Variants in PCDHGA12 observed in about 807,000 individuals in gnomAD.
PCDHGA12 encodes protocadherin gamma subfamily A, 12.
Under a neutral mutation model 61.1 loss-of-function variants are expected in PCDHGA12, and 43 were observed. The observed-to-expected ratio is 0.70, with a 90% CI of 0.55 to 0.91. The LOEUF is 0.91. Among genes scored for constraint, PCDHGA12 ranks in the 40% least tolerant of loss-of-function variants. PCDHGA12 has a pLI of 0.00. For missense variants in PCDHGA12, 1,236 were observed against 1,227.7 expected (o/e 1.01, Z -0.10); for synonymous variants, 520 against 542.9 (o/e 0.96, Z 0.59).
Position 141,464,191 on chromosome 5 carries a change from G to C in PCDHGA12, c.2425-30616G>C, listed in dbSNP as rs185888723. Among the ~76,000 whole-genome samples, 583 of 151,818 alleles carry C rather than the reference G, an allele frequency of 3.8e-3. 6 individuals are homozygous for C. Among genetic ancestry groups the C allele is most frequent in the Admixed American group, 0.011 (166 of 15,202 alleles). On this transcript the variant is annotated intron_variant, in intron 1 of 3. Transcript: ENST00000252085. ...GAGGCAGGAGAATTGCTTGATTTCA[G>C]GAGGCGGAGATTGCAGTGAGCTGAG...
chr5:141,492,870 C>G (rs2099744684), intron 1 of PCDHGA12, among the ~76,000 whole-genome samples: 1 of 152,192 alleles, frequency 6.6e-6, no homozygotes, highest in African/African-American at 2.4e-5. Flanking sequence ...TGGCTCTCAA[C>G]CCCCAGAGAT....
In PCDHGA12 at chr5:141,511,360, T is replaced by C; in HGVS notation, c.*187T>C. The C allele has an allele frequency of 7.5e-7, 1 of 1,333,050 alleles. No individual in the cohort carries two copies. Among genetic ancestry groups the C allele is most frequent in the Non-Finnish European group, 1.0e-6 (1 of 994,882 alleles). 82.6% of individuals were successfully genotyped at this position (1,333,050 alleles called of 1,614,324 possible). On this transcript the variant is annotated 3_prime_UTR_variant, in exon 4 of 4. Transcript: ENST00000252085. ...ACCTACCCCTTCCCCCCCAGGGGGT[T>C]GAATATGCAAAAGCAGTTCCGCTGG...
In PCDHGA12 at chr5:141,431,570, G is replaced by A. The variant is rs754760314; in HGVS notation, c.811G>A (p.Glu271Lys). 7 of 1,614,172 alleles carry A rather than the reference G, an allele frequency of 4.3e-6. No individual in the cohort carries two copies. Among genetic ancestry groups the A allele is most frequent in the Non-Finnish European group, 5.9e-6 (7 of 1,180,024 alleles). ...TGTAGTCAACGCTACCGACCCTGAC[G>A]AAGGAGTCAATGCGGAAGTGAGGTA... Reference protein sequence around the residue: ...LLVVNATDPDEGVNAEVRYSF... With the variant: ...LLVVNATDPDKGVNAEVRYSF... The change falls in exon 1 of 4, where the codon GAA (glutamate) becomes AAA (lysine). Residue 271 changes from glutamate (E) to lysine (K), a missense_variant. Transcript: ENST00000252085. The surrounding 1 kb of genome is among the most constrained non-coding windows in gnomAD (Gnocchi z 4.8).
Position 141,490,413 on chromosome 5 carries a change from G to A in PCDHGA12, c.2425-4394G>A, listed in dbSNP as rs2233606. On this transcript the variant is annotated intron_variant, in intron 1 of 3. Transcript: ENST00000252085. The surrounding 1 kb of genome is among the most constrained non-coding windows in gnomAD (Gnocchi z 5.4). ...GTGAAGTGAGCCTTGATATCTCTCC[G>A]GACCTGCCATTTCAGATTAAGCCTT... 2.3e-3 allele frequency: 3,787 copies of A among 1,614,128 alleles called. 38 individuals are homozygous for A. In the African/African-American group the frequency reaches 0.027, roughly 12 times the overall value.
chr5:141,503,075 G>A (rs1373753092), intron 2 of PCDHGA12, among the ~76,000 whole-genome samples: 1 of 151,438 alleles, frequency 6.6e-6, no homozygotes, highest in African/African-American at 2.4e-5. Context: ...GAATGGTCTC[G>A]ATCTCCTGAC....
chr5:141,447,709 T>C (rs896203283), intron 1 of PCDHGA12, among the ~76,000 whole-genome samples: 1 of 152,210 alleles, frequency 6.6e-6, no homozygotes, highest in East Asian at 1.9e-4. Context: ...TATAAGGATG[T>C]ACACATTTTC....
intron 1 of PCDHGA12, among the ~76,000 whole-genome samples, chr5:141,466,180 AT>A (rs922532578): frequency 6.6e-6 from 1 of 151,138 alleles, no homozygotes; most frequent in Admixed American, 6.6e-5. Context: ...TTTTATTTTT[AT>A]TTTTTTTCAG....
chr5:141,472,183 A>G (rs2099273731), intron 1 of PCDHGA12, among the ~76,000 whole-genome samples: 1 of 152,190 alleles, frequency 6.6e-6, no homozygotes, highest in South Asian at 2.1e-4. Flanking sequence ...CCAGTATTGG[A>G]ATTTGAATCT....
intron 1 of PCDHGA12, among the ~76,000 whole-genome samples, chr5:141,474,357 T>G (rs185194067): frequency 2.0e-4 from 30 of 152,302 alleles, no homozygotes; most frequent in African/African-American, 6.5e-4. Context: ...AAGTCATGTC[T>G]CAGTAGGTCT....
intron 1 of PCDHGA12, among the ~76,000 whole-genome samples, chr5:141,478,999 A>C (rs1220971456): frequency 2.0e-5 from 3 of 152,194 alleles, no homozygotes. Context: ...ATTAAAACTA[A>C]TAGCTTTTTG....
chr5:141,461,392 A>G (rs781666201), intron 1 of PCDHGA12, among the ~76,000 whole-genome samples: 18 of 152,178 alleles, frequency 1.2e-4, no homozygotes, highest in Non-Finnish European at 2.2e-4. Context: ...ATGATTAGCG[A>G]TGTTGAGCAT....
chr5:141,511,144 A>C lies in PCDHGA12; in HGVS notation c.2770A>C (p.Lys924Gln). 2 of 1,614,202 alleles carry C rather than the reference A, an allele frequency of 1.2e-6. No homozygotes were observed. The highest frequency in any genetic ancestry group is 1.7e-6 in the Non-Finnish European group (2 of 1,180,016). The change falls in exon 4 of 4, where the codon AAG becomes CAG. Residue 924 changes from lysine to glutamine, a missense_variant. By Grantham distance (53) the Lys-to-Gln change is moderately conservative. Transcript: ENST00000252085. Reference sequence around the variant, plus strand: ...CCCAGCAGGTGGCAATGGCAACAAGAAGAAGTCGGGCAAGAAGGAGAAGAA... The same window carrying C: ...CCCAGCAGGTGGCAATGGCAACAAGCAGAAGTCGGGCAAGAAGGAGAAGAA... ...KAPAGGNGNK[K>Q]KSGKKEKK
chr5:141,432,663 G>A lies in PCDHGA12; in HGVS notation c.1904G>A (p.Arg635Lys). ...CGCACGGCGCGAGCCCTGCTGGACA[G>A]AGACGCGCTCAAGCAGAGCCTCGTA... ...EVRTARALLD[R>K]DALKQSLVVA... Residue 635 changes from arginine to lysine, a missense_variant, in exon 1 of 4, where the codon AGA (arginine) becomes AAA (lysine). Physicochemically the swap from Arg to Lys is conservative, Grantham distance 26. Coordinates refer to ENST00000252085, the MANE Select transcript of PCDHGA12 (RefSeq NM_003735.3). This position sits in a 1 kb window ranked among gnomAD's most constrained non-coding sequence, Gnocchi z 6.0. 1 of 1,613,886 alleles carries A rather than the reference G, an allele frequency of 6.2e-7. No individual in the cohort carries two copies. Among genetic ancestry groups the A allele is most frequent in the Non-Finnish European group, 8.5e-7 (1 of 1,179,952 alleles).
At position 141,477,269 on chromosome 5, in the gene PCDHGA12, G is replaced by A; in HGVS notation, c.2425-17538G>A. On this transcript the variant is annotated intron_variant, in intron 1 of 3. Coordinates refer to ENST00000252085, the MANE Select transcript of PCDHGA12 (RefSeq NM_003735.3). This position sits in a 1 kb window ranked among gnomAD's most constrained non-coding sequence, Gnocchi z 4.9. Reference sequence around the variant, plus strand: ...GACTGACCTGGATGCTGGCGAGAACGGGCTGGTGACCTGCGAAGTTCCACC... The same window carrying A: ...GACTGACCTGGATGCTGGCGAGAACAGGCTGGTGACCTGCGAAGTTCCACC... 1.9e-6 allele frequency: 3 copies of A among 1,614,154 alleles called. No individual in the cohort carries two copies. Among genetic ancestry groups the A allele is most frequent in the Non-Finnish European group, 2.5e-6 (3 of 1,180,030 alleles).
chr5:141,504,763 C>G (rs1057360921), intron 2 of PCDHGA12, among the ~76,000 whole-genome samples: 5 of 152,018 alleles, frequency 3.3e-5, no homozygotes, highest in African/African-American at 1.2e-4. Context: ...AATTTCTTCT[C>G]CCTGCTCCAG....
chr5:141,487,608 G>A lies in PCDHGA12; in HGVS notation c.2425-7199G>A, dbSNP rs970411391. On this transcript the variant is annotated intron_variant, in intron 1 of 3. Coordinates refer to ENST00000252085, the MANE Select transcript of PCDHGA12 (RefSeq NM_003735.3). The surrounding 1 kb of genome is among the most constrained non-coding windows in gnomAD (Gnocchi z 5.0). ...TGCCCACCCTCTGATCTTCTCTATG[G>A]GCTAGAGGTGAGACCTTTGCAGGCT... 1 of 1,614,182 alleles carries A rather than the reference G, an allele frequency of 6.2e-7. No individual in the cohort carries two copies. Among genetic ancestry groups the A allele is most frequent in the African/African-American group, 1.3e-5 (1 of 75,050 alleles).
At chr5:141,458,662 C>T (rs948275548) in intron 1 of PCDHGA12, among the ~76,000 whole-genome samples, 3 of 152,064 alleles carry the variant, frequency 2.0e-5, no homozygotes, top group East Asian at 1.9e-4. Flanking sequence ...CTCCACCTCT[C>T]GGGTTCAAGC....
chr5:141,433,883 G>A (rs1051019240), intron 1 of PCDHGA12, among the ~76,000 whole-genome samples: 1 of 149,932 alleles, frequency 6.7e-6, no homozygotes, highest in Non-Finnish European at 1.5e-5. Flanking sequence ...ATCCATTGAT[G>A]ACACTTGCTT....
intron 1 of PCDHGA12, among the ~76,000 whole-genome samples, chr5:141,456,969 A>G (rs2098901241): frequency 1.4e-5 from 2 of 147,268 alleles, no homozygotes; most frequent in Non-Finnish European, 3.1e-5. Flanking sequence ...TCTCAAAACA[A>G]AACAAACAAA....
Sources: gnomAD v4.1 joint callset for allele counts (sites outside exome capture counted in the v4.1 genomes callset) on GRCh38, gnomAD v4.1.1 for gene constraint, Gnocchi (gnomAD v3.1) non-coding constraint, MANE v1.5 for transcripts, NCBI Gene and HGNC (gene_info 2026-07-23, HGNC 2026-07-21) for gene names.